DOCK2: variants seen among roughly 807,000 people sequenced by gnomAD.
DOCK2 encodes dedicator of cytokinesis 2, also known as dedicator of cytokinesis protein 2.
A neutral mutation model predicts 248.9 loss-of-function variants in DOCK2; 87 were observed. The observed-to-expected ratio is 0.35, with a 90% confidence interval of 0.29 to 0.42. The LOEUF (loss-of-function observed/expected upper bound fraction) is 0.42, where lower values mean the gene tolerates loss of function less well. Ranked by LOEUF, DOCK2 falls within the 10% of genes least tolerant of loss-of-function variation. DOCK2 has a pLI of 1.00. For missense variants in DOCK2, 1,747 were observed against 2,300.2 expected (o/e 0.76, Z 4.92); for synonymous variants, 805 against 821.6 (o/e 0.98, Z 0.35).
chr5:169,953,368 C>A (rs541788283), intron 27 of DOCK2, among the ~76,000 whole-genome samples: 1 of 149,822 alleles, frequency 6.7e-6, no homozygotes, highest in Non-Finnish European at 1.5e-5. Flanking sequence ...AGAGTTTGGG[C>A]TTTAGAATAA....
At chr5:169,641,584 G>A (rs1757155561) in intron 1 of DOCK2, among the ~76,000 whole-genome samples, 1 of 152,192 alleles carries the variant, frequency 6.6e-6, no homozygotes, top group South Asian at 2.1e-4. Flanking sequence ...GTATTTTAGG[G>A]TCAGAGGAAT....
chr5:169,826,068 A>G (rs529847195), intron 26 of DOCK2, among the ~76,000 whole-genome samples: 6 of 152,164 alleles, frequency 3.9e-5, no homozygotes, highest in Admixed American at 1.3e-4. Context: ...TTACTCACCC[A>G]TCCATTCATT....
chr5:169,688,954 G>A (rs943951871), intron 8 of DOCK2, among the ~76,000 whole-genome samples: 2 of 152,152 alleles, frequency 1.3e-5, no homozygotes, highest in Non-Finnish European at 2.9e-5. Context: ...ACCTCTATCA[G>A]TATGCAGATG....
At chr5:169,969,729 CT>C (rs1777432663) in intron 27 of DOCK2, among the ~76,000 whole-genome samples, 1 of 151,560 alleles carries the variant, frequency 6.6e-6, no homozygotes, top group South Asian at 2.1e-4. Context: ...TCCTGGTTAC[CT>C]AGGACTGAGG....
chr5:169,709,488 G>A (rs1046036421), intron 15 of DOCK2, among the ~76,000 whole-genome samples: 8 of 152,160 alleles, frequency 5.3e-5, no homozygotes, highest in African/African-American at 1.2e-4. Flanking sequence ...ATGACCTGAG[G>A]TCACGAGCTC....
intron 27 of DOCK2, among the ~76,000 whole-genome samples, chr5:169,929,316 C>G (rs1775628297): frequency 6.6e-6 from 1 of 152,188 alleles, no homozygotes; most frequent in Admixed American, 6.5e-5. Flanking sequence ...ACAAGTTCAT[C>G]TCACATGGGT....
chr5:169,663,032 C>G (rs566101404), intron 2 of DOCK2, among the ~76,000 whole-genome samples: 47 of 152,298 alleles, frequency 3.1e-4, no homozygotes, highest in African/African-American at 1.1e-3. Flanking sequence ...AACAACAAGT[C>G]AGTTACTTCC....
At chr5:169,793,421 T>A (rs1766469514) in intron 25 of DOCK2, among the ~76,000 whole-genome samples, 1 of 152,166 alleles carries the variant, frequency 6.6e-6, no homozygotes, top group Non-Finnish European at 1.5e-5. Context: ...GGAATCATAT[T>A]TCCTGAGTTT....
chr5:170,039,253 G>A (rs1225441349), intron 36 of DOCK2, among the ~76,000 whole-genome samples: 3 of 152,170 alleles, frequency 2.0e-5, no homozygotes, highest in African/African-American at 7.2e-5. Context: ...TTCCCCTTCA[G>A]ATCAACTGTT....
chr5:170,063,832 G>A (rs1159662034), intron 44 of DOCK2, among the ~76,000 whole-genome samples: 4 of 152,188 alleles, frequency 2.6e-5, no homozygotes, highest in Non-Finnish European at 4.4e-5. Flanking sequence ...CAGAAGCAGA[G>A]GGTGCGGCCT....
chr5:170,023,099 T>C (rs1279534601), intron 33 of DOCK2, among the ~76,000 whole-genome samples: 1 of 152,040 alleles, frequency 6.6e-6, no homozygotes, highest in Non-Finnish European at 1.5e-5. Flanking sequence ...TCCTGGGGTA[T>C]AGAGACCTTG....
chr5:169,759,746 A>G lies in DOCK2; in HGVS notation c.2418A>G (p.Val806=), dbSNP rs1165792584. 5.0e-6 allele frequency: 8 copies of G among 1,614,040 alleles called. No individual in the cohort carries two copies. Among genetic ancestry groups the G allele is most frequent in the East Asian group, 4.5e-5 (2 of 44,864 alleles). The change falls in exon 24 of 52, where the codon GTA becomes GTG. Residue 806 remains valine (V), a synonymous_variant. Coordinates refer to ENST00000520908, the MANE Select transcript of DOCK2 (RefSeq NM_004946.3). ...ACATCCCATCTGTCCTGCATGATGT[A>G]GAAATGGTCTTTGATGCGAAGTTAC... ...LKYIPSVLHD[V]EMVFDAKLLS...
At chr5:169,872,169 T>C (rs2113462227) in intron 27 of DOCK2, among the ~76,000 whole-genome samples, 1 of 152,364 alleles carries the variant, frequency 6.6e-6, no homozygotes, top group East Asian at 1.9e-4. Context: ...GGAACATTTC[T>C]GTGGTCCCTG....
intron 15 of DOCK2, among the ~76,000 whole-genome samples, 194 bp downstream of exon 15, chr5:169,708,461 A>G (rs893828656): frequency 5.9e-5 from 9 of 152,284 alleles, no homozygotes; most frequent in Non-Finnish European, 1.2e-4. Context: ...CCACGCTGCT[A>G]GGAAATATCA....
intron 27 of DOCK2, among the ~76,000 whole-genome samples, chr5:169,953,695 C>T (rs1309492107): frequency 3.9e-5 from 6 of 152,142 alleles, no homozygotes; most frequent in South Asian, 2.1e-4. Flanking sequence ...CCATTTAATG[C>T]AGCATAAAGT....
chr5:170,076,306 G>A (rs1444766737), intron 47 of DOCK2, among the ~76,000 whole-genome samples: 1 of 152,216 alleles, frequency 6.6e-6, no homozygotes, highest in African/African-American at 2.4e-5. Context: ...GGATTGTGCA[G>A]ATACCAACTA....
At chr5:169,731,437 C>G (rs1307761175) in intron 22 of DOCK2, among the ~76,000 whole-genome samples, 1 of 152,148 alleles carries the variant, frequency 6.6e-6, no homozygotes, top group Admixed American at 6.5e-5. Context: ...CCGTGTAAAA[C>G]GTGAGTTGCT....
intron 2 of DOCK2, among the ~76,000 whole-genome samples, chr5:169,659,312 C>T (rs1241644111): frequency 6.6e-6 from 1 of 152,086 alleles, no homozygotes; most frequent in African/African-American, 2.4e-5. Context: ...GTTGTTTTCA[C>T]CTTGCTCCTG....
intron 39 of DOCK2, 85 bp downstream of exon 39, chr5:170,045,990 A>G (rs1416644376): frequency 3.1e-6 from 4 of 1,287,384 alleles, no homozygotes; most frequent in Admixed American, 3.4e-5. Context: ...GGAGATGGGC[A>G]TGAGGGCCAG....
Sources: allele counts gnomAD v4.1 joint callset (sites outside exome capture counted in the v4.1 genomes callset), GRCh38; gene constraint gnomAD v4.1.1; transcripts MANE v1.5; gene names NCBI Gene and HGNC (gene_info 2026-07-23, HGNC 2026-07-21).